Variants in TPMT observed in about 807,000 individuals in gnomAD.
TPMT encodes the protein thiopurine S-methyltransferase.
A neutral mutation model predicts 34.2 loss-of-function variants in TPMT; 18 were observed. That is an observed-to-expected ratio of 0.53 (90% CI 0.36 to 0.78). The LOEUF is 0.78. TPMT is among the 30% of genes least tolerant of loss of function. The pLI, the probability that TPMT is intolerant of heterozygous loss-of-function variation, is 0.00. For missense variants in TPMT, 265 were observed against 288.1 expected, an observed-to-expected ratio of 0.92 and a Z score of 0.58; for synonymous variants, 69 against 92.4, an observed-to-expected ratio of 0.75 and a Z score of 1.45.
rs1784029579 is a variant in TPMT, at chr6:18,135,619, C to T, written c.495-1730G>A. 6.6e-6 allele frequency among the ~76,000 whole-genome samples: 1 copy of T among 152,180 alleles called. No homozygotes were observed. On this transcript the variant is annotated intron_variant, in intron 6 of 8. Coordinates refer to ENST00000309983, the MANE Select transcript of TPMT (RefSeq NM_000367.5). The surrounding 1 kb of genome is among the most constrained non-coding windows in gnomAD (Gnocchi z 5.0). ...GGGCACGGTGACTTACATCTGTAAT[C>T]CCAGCACTTTGGGAGGCCGAGGTGG...
At chr6:18,133,747 T>G (rs1386298757) in intron 7 of TPMT, 57 bp downstream of exon 7, 1 of 1,290,916 alleles carries the variant, frequency 7.7e-7, no homozygotes, top group East Asian at 2.3e-5. Context: ...GTCATAGAAT[T>G]TATATCAAGA....
intron 1 of TPMT, among the ~76,000 whole-genome samples, chr6:18,152,121 T>G (rs976005134): frequency 2.6e-5 from 4 of 152,178 alleles, no homozygotes; most frequent in Non-Finnish European, 4.4e-5. Context: ...CAATCCTCCT[T>G]GTTTCAACCA....
rs1260181303 is a variant in TPMT, at chr6:18,130,251, C to T, written c.*417G>A. On this transcript the variant is annotated 3_prime_UTR_variant, in exon 9 of 9. Transcript: ENST00000309983. This position sits in a 1 kb window ranked among gnomAD's most constrained non-coding sequence, Gnocchi z 4.2. ...AGTGAGCTGAGATTGCACCATTGCA[C>T]TCCAGGTTGGGCAACAAGAACGAAA... is the stretch of plus-strand genomic sequence containing the variant. 1 of 190,426 alleles carries T rather than the reference C, an allele frequency of 5.3e-6. No individual in the cohort carries two copies. Among genetic ancestry groups the T allele is most frequent in the Non-Finnish European group, 1.1e-5 (1 of 92,944 alleles). The allele number at this position is 190,426 out of a possible 1,614,324, so 11.8% of individuals were successfully genotyped here.
chr6:18,133,016 C>T (rs1361462483), intron 7 of TPMT, among the ~76,000 whole-genome samples: 2 of 152,048 alleles, frequency 1.3e-5, no homozygotes, highest in African/African-American at 4.8e-5. Context: ...TCACTTGAAC[C>T]CGGAAGGCGG....
chr6:18,149,951 G>A lies in TPMT; in HGVS notation c.-44-780C>T, dbSNP rs1784321461. 6.6e-6 allele frequency among the ~76,000 whole-genome samples: 1 copy of A among 152,126 alleles called. No homozygotes were observed. Among genetic ancestry groups the A allele is most frequent in the Non-Finnish European group, 1.5e-5 (1 of 68,022 alleles). ...AAGATTTCTGTGACCAAATGTGGGG[G>A]TTCTTCCCCCAGCACACCAAATATT... On this transcript the variant is annotated intron_variant, in intron 1 of 8. Transcript: ENST00000309983. The surrounding 1 kb of genome is among the most constrained non-coding windows in gnomAD (Gnocchi z 5.0).
rs1001446107 is a variant in TPMT at position 18,136,599 on chromosome 6, G to A, written c.494+2364C>T. 1.3e-5 allele frequency among the ~76,000 whole-genome samples: 2 copies of A among 152,112 alleles called. No individual in the cohort carries two copies. The highest frequency in any genetic ancestry group is 4.8e-5 in the African/African-American group (2 of 41,414). On this transcript the variant is annotated intron_variant, in intron 6 of 8. Coordinates refer to ENST00000309983, the MANE Select transcript of TPMT (RefSeq NM_000367.5). This position sits in a 1 kb window ranked among gnomAD's most constrained non-coding sequence, Gnocchi z 4.7. The stretch of plus-strand genomic sequence containing the variant: ...GAGGCGGGTGGATCAGCTGGGGTCC[G>A]GAGTTCGAGACCAGCCTGACCAACA...
In TPMT at chr6:18,129,614, A is replaced by G. The variant is rs1475629613; in HGVS notation, c.*1054T>C. ...GAACTGAGAAATCTAACCTTTCATA[A>G]TAAACAGCCATGAATCCAGCTCTAA... On this transcript the variant is annotated 3_prime_UTR_variant, in exon 9 of 9. Coordinates refer to ENST00000309983, the MANE Select transcript of TPMT (RefSeq NM_000367.5). 6.6e-6 allele frequency: 1 copy of G among 152,240 alleles called. No homozygotes were observed. The highest frequency in any genetic ancestry group is 1.5e-5 in the Non-Finnish European group (1 of 68,046). The allele number at this position is 152,240 out of a possible 1,614,324, so 9.4% of individuals were successfully genotyped here. A position where few individuals can be genotyped will look rare whatever the true frequency, so the allele number is the denominator to read the frequency against.
rs753337405 is a variant in TPMT, at chr6:18,146,687, T to C, written c.233+1136A>G. Reference sequence around the variant, plus strand: ...TTGAGGGTAATTTTGAAAGTAACTATCTCTTCTGGCTCAATGAATTGGTTA... The same window carrying C: ...TTGAGGGTAATTTTGAAAGTAACTACCTCTTCTGGCTCAATGAATTGGTTA... On this transcript the variant is annotated intron_variant, in intron 3 of 8. Coordinates refer to ENST00000309983, the MANE Select transcript of TPMT (RefSeq NM_000367.5). The surrounding 1 kb of genome is among the most constrained non-coding windows in gnomAD (Gnocchi z 6.2). Among the ~76,000 whole-genome samples the C allele has an allele frequency of 1.3e-5, 2 of 152,172 alleles. No individual in the cohort carries two copies. The highest frequency in any genetic ancestry group is 4.8e-5 in the African/African-American group (2 of 41,440).
In TPMT at chr6:18,135,146, CTG is replaced by C. The variant is rs956202960; in HGVS notation, c.495-1259_495-1258del. Among the ~76,000 whole-genome samples, 2 of 152,250 alleles carry C rather than the reference CTG, an allele frequency of 1.3e-5. No homozygotes were observed. Among genetic ancestry groups the C allele is most frequent in the African/African-American group, 4.8e-5 (2 of 41,464 alleles). The stretch of plus-strand genomic sequence containing the variant: ...ATAAGACTAATAACCACCTCACAAA[CTG>C]TGAGAATTCACCAGTGGATCACTCT... On this transcript the variant is annotated intron_variant, in intron 6 of 8. Coordinates refer to ENST00000309983, the MANE Select transcript of TPMT (RefSeq NM_000367.5). This position sits in a 1 kb window ranked among gnomAD's most constrained non-coding sequence, Gnocchi z 5.0.
chr6:18,134,301 G>T (rs757095978), intron 6 of TPMT, among the ~76,000 whole-genome samples: 1 of 152,208 alleles, frequency 6.6e-6, no homozygotes, highest in Non-Finnish European at 1.5e-5. Flanking sequence ...AGATGCCTGA[G>T]CTCCATCCCC....
rs571119542 is a variant in TPMT, at chr6:18,154,870, C to T, written c.-45+163G>A. Among the ~76,000 whole-genome samples, 44 of 152,322 alleles carry T rather than the reference C, an allele frequency of 2.9e-4. No homozygotes were observed. The highest frequency in any genetic ancestry group is 5.9e-4 in the Non-Finnish European group (40 of 68,034). ...ATTCAGGTCATTTACTGTCCGACCT[C>T]GTTATTCCCAGTTTCCGCTTCTGCC... On this transcript the variant is annotated intron_variant, in intron 1 of 8. Transcript: ENST00000309983. This position sits in a 1 kb window ranked among gnomAD's most constrained non-coding sequence, Gnocchi z 4.2.
chr6:18,142,829 C>T (rs976679564), intron 4 of TPMT, among the ~76,000 whole-genome samples: 1 of 152,062 alleles, frequency 6.6e-6, no homozygotes, highest in Non-Finnish European at 1.5e-5. Context: ...ACTCATCGCT[C>T]CTTTGGTCCT....
Position 18,149,254 on chromosome 6 carries a change from G to T in TPMT, c.-44-83C>A. On this transcript the variant is annotated intron_variant, in intron 1 of 8. Coordinates refer to ENST00000309983, the MANE Select transcript of TPMT (RefSeq NM_000367.5). The surrounding 1 kb of genome is among the most constrained non-coding windows in gnomAD (Gnocchi z 5.0). ...ACTAAATGAAAACCTATTATTCTTAGCAGTATGACTTTTTAAAAATATTTC... is the reference window on the plus strand; with the variant it reads ...ACTAAATGAAAACCTATTATTCTTATCAGTATGACTTTTTAAAAATATTTC... 1 of 1,184,434 alleles carries T rather than the reference G, an allele frequency of 8.4e-7. No homozygotes were observed. The highest frequency in any genetic ancestry group is 1.2e-6 in the Non-Finnish European group (1 of 823,258). The allele number at this position is 1,184,434 out of a possible 1,614,324, so 73.4% of individuals were successfully genotyped here.
intron 6 of TPMT, among the ~76,000 whole-genome samples, chr6:18,134,351 C>T (rs1214523291): frequency 1.3e-5 from 2 of 152,186 alleles, no homozygotes; most frequent in Non-Finnish European, 2.9e-5. Flanking sequence ...GCCTGGGATG[C>T]TGCAATTTAA....
rs574354573 is a variant in TPMT at position 18,148,817 on chromosome 6, C to T, written c.140+171G>A. Among the ~76,000 whole-genome samples, 2 of 152,258 alleles carry T rather than the reference C, an allele frequency of 1.3e-5. No homozygotes were observed. The highest frequency in any genetic ancestry group is 6.5e-5 in the Admixed American group (1 of 15,286). ...CACACTGTGGGAAGAAAAGACTCTG[C>T]CAATTAAACTACATCATGCCACAGA... On this transcript the variant is annotated intron_variant, in intron 2 of 8. Transcript: ENST00000309983. The surrounding 1 kb of genome is among the most constrained non-coding windows in gnomAD (Gnocchi z 4.1).
Position 18,138,963 on chromosome 6 carries a change from C to T in TPMT, c.494G>A (p.Cys165Tyr). The T allele has an allele frequency of 6.2e-7, 1 of 1,612,722 alleles. No individual in the cohort carries two copies. Among genetic ancestry groups the T allele is most frequent in the Non-Finnish European group, 8.5e-7 (1 of 1,179,034 alleles). ...LVAINPGDRKCYADTMFSLLG... is the reference protein window; with the variant it reads ...LVAINPGDRKYYADTMFSLLG... ...AAACAAAAAAAGAAAAATTACTTAC[C>T]ATTTGCGATCACCTGGATTGATGGC... Residue 165 changes from cysteine (C) to tyrosine (Y), a missense_variant and splice_region_variant, in exon 6 of 9, where the codon TGC (cysteine) becomes TAC (tyrosine). Coordinates refer to ENST00000309983, the MANE Select transcript of TPMT (RefSeq NM_000367.5). The surrounding 1 kb of genome is among the most constrained non-coding windows in gnomAD (Gnocchi z 4.1).
Position 18,139,025 on chromosome 6 carries a change from G to C in TPMT, c.432C>G (p.Gly144=). 1 of 1,613,680 alleles carries C rather than the reference G, an allele frequency of 6.2e-7. No homozygotes were observed. Among genetic ancestry groups the C allele is most frequent in the Non-Finnish European group, 8.5e-7 (1 of 1,179,544 alleles). ...SIFDLPRTNI[G]KFDMIWDRGA... ...CTCTATCCCAAATCATGTCAAATTT[G>C]CCAATATTTGTCCTACCAGAAAGAG... Residue 144 remains glycine, a synonymous_variant, in exon 6 of 9, where the codon GGC becomes GGG. Transcript: ENST00000309983. The surrounding 1 kb of genome is among the most constrained non-coding windows in gnomAD (Gnocchi z 4.2).
chr6:18,140,471 C>CT lies in TPMT; in HGVS notation c.367-755dup, dbSNP rs1409400304. Among the ~76,000 whole-genome samples the CT allele has an allele frequency of 6.6e-6, 1 of 152,140 alleles. No homozygotes were observed. The highest frequency in any genetic ancestry group is 1.5e-5 in the Non-Finnish European group (1 of 68,032). On this transcript the variant is annotated intron_variant, in intron 4 of 8. Coordinates refer to ENST00000309983, the MANE Select transcript of TPMT (RefSeq NM_000367.5). The surrounding 1 kb of genome is among the most constrained non-coding windows in gnomAD (Gnocchi z 4.7). ...TTGGGAGGCTGAAGCAGGCAGATCG[C>CT]TTGAGCCCAGGAGTATGAGACCAGC...
chr6:18,132,174 G>A lies in TPMT; in HGVS notation c.584C>T (p.Pro195Leu). 1.9e-6 allele frequency: 3 copies of A among 1,614,052 alleles called. No individual in the cohort carries two copies. Among genetic ancestry groups the A allele is most frequent in the East Asian group, 2.2e-5 (1 of 44,884 alleles). Reference protein sequence around the residue: ...LSYDPTKHPGPPFYVPHAEIE... With the variant: ...LSYDPTKHPGLPFYVPHAEIE... ...TTCAGCATGTGGAACATAAAATGGT[G>A]GACCTAGGTAAAAGAGAAATAAATT... The change falls in exon 8 of 9, where the codon CCA (proline) becomes CTA (leucine). Residue 195 changes from proline to leucine, a missense_variant. Physicochemically the swap from Pro to Leu is moderately conservative, Grantham distance 98 (BLOSUM62 -3). Coordinates refer to ENST00000309983, the MANE Select transcript of TPMT (RefSeq NM_000367.5). This position sits in a 1 kb window ranked among gnomAD's most constrained non-coding sequence, Gnocchi z 4.8.
Sources: gnomAD v4.1 joint callset for allele counts (sites outside exome capture counted in the v4.1 genomes callset) on GRCh38, gnomAD v4.1.1 for gene constraint, Gnocchi (gnomAD v3.1) non-coding constraint, MANE v1.5 for transcripts, NCBI Gene and HGNC (gene_info 2026-07-23, HGNC 2026-07-21) for gene names.